GLG1: variants seen among roughly 807,000 people sequenced by gnomAD.
GLG1 encodes the protein Golgi apparatus protein 1.
In GLG1, 38 loss-of-function variants were observed where a neutral mutation model predicts 160.5. The ratio of observed to expected loss-of-function variants is 0.24; its 90% CI spans 0.18 to 0.31. The LOEUF is 0.31. Among genes scored for constraint, GLG1 ranks in the 10% least tolerant of loss-of-function variants. The pLI is 1.00. For missense variants in GLG1, 1,373 were observed against 1,505.2 expected (o/e 0.91, Z 1.45); for synonymous variants, 644 against 543.4 (o/e 1.19, Z -2.57).
intron 9 of GLG1, among the ~76,000 whole-genome samples, chr16:74,485,161 C>G (rs989251352): frequency 5.3e-5 from 8 of 152,196 alleles, no homozygotes; most frequent in Middle Eastern, 3.2e-3. Context: ...CTCACCTCGG[C>G]CTCCCAAAGC....
At position 74,567,814 on chromosome 16, in the gene GLG1, C is replaced by T. The variant is rs1039996155; in HGVS notation, c.439-35661G>A. The stretch of plus-strand genomic sequence containing the variant: ...CGATCTCCTGACCTCATGATCCACC[C>T]GCCTCGGCCTCCCAAAGTGCTGGGA... On this transcript the variant is annotated intron_variant, in intron 1 of 25. Transcript: ENST00000422840. 1.5e-4 allele frequency among the ~76,000 whole-genome samples: 23 copies of T among 151,184 alleles called. No homozygotes were observed. The East Asian group carries it at 2.3e-3, about 15-fold the overall frequency.
chr16:74,512,306 G>C (rs1225979002), intron 2 of GLG1, among the ~76,000 whole-genome samples: 4 of 151,216 alleles, frequency 2.6e-5, no homozygotes, highest in Admixed American at 2.0e-4. Context: ...GCCCAGGCTA[G>C]AAGTACAGTG....
intron 1 of GLG1, among the ~76,000 whole-genome samples, chr16:74,556,649 A>T (rs1162824183): frequency 1.3e-5 from 2 of 151,796 alleles, no homozygotes; most frequent in Non-Finnish European, 1.5e-5. Flanking sequence ...ATACCACTGC[A>T]TTCCAACCTG....
At chr16:74,516,092 A>G (rs1347657501) in intron 2 of GLG1, among the ~76,000 whole-genome samples, 65 of 151,828 alleles carry the variant, frequency 4.3e-4, no homozygotes, top group Non-Finnish European at 2.2e-4. Flanking sequence ...TTAGACTCTC[A>G]CACAATAATA....
At chr16:74,590,686 A>G (rs1362912915) in intron 1 of GLG1, among the ~76,000 whole-genome samples, 1 of 149,956 alleles carries the variant, frequency 6.7e-6, no homozygotes, top group Non-Finnish European at 1.5e-5. Flanking sequence ...AATCCCAGCT[A>G]CTCAGGAGGC....
rs947507086 is a variant in GLG1 at position 74,585,795 on chromosome 16, G to A, written c.438+20862C>T. On this transcript the variant is annotated intron_variant, in intron 1 of 25. Transcript: ENST00000422840. ...AAGTAAGATTTGGCCGGATGAGGTGGCTCATGCCTGTAATCTCAACACTTT... is the reference window on the plus strand; with the variant it reads ...AAGTAAGATTTGGCCGGATGAGGTGACTCATGCCTGTAATCTCAACACTTT... 4.6e-5 allele frequency among the ~76,000 whole-genome samples: 7 copies of A among 152,196 alleles called. No individual in the cohort carries two copies. The South Asian group carries it at 1.5e-3, about 32-fold the overall frequency.
At chr16:74,529,587 C>G (rs973047173) in intron 2 of GLG1, among the ~76,000 whole-genome samples, 1 of 151,782 alleles carries the variant, frequency 6.6e-6, no homozygotes, top group African/African-American at 2.4e-5. Flanking sequence ...GCTACTTTAT[C>G]TCTTGATATC....
At chr16:74,460,014 C>G (rs1174470649) in intron 22 of GLG1, among the ~76,000 whole-genome samples, 1 of 144,244 alleles carries the variant, frequency 6.9e-6, no homozygotes, top group Non-Finnish European at 1.5e-5. Flanking sequence ...TGCTACCATG[C>G]CTGGCTGATT....
At chr16:74,544,812 C>T (rs1050925304) in intron 1 of GLG1, among the ~76,000 whole-genome samples, 3 of 152,002 alleles carry the variant, frequency 2.0e-5, no homozygotes, top group African/African-American at 4.8e-5. Flanking sequence ...TATTTAACAT[C>T]TGTAAGCCTA....
chr16:74,518,091 G>C (rs1020131181), intron 2 of GLG1, among the ~76,000 whole-genome samples: 1 of 152,116 alleles, frequency 6.6e-6, no homozygotes, highest in Non-Finnish European at 1.5e-5. Flanking sequence ...CTCGTGGATA[G>C]AAGAATCAAT....
chr16:74,563,282 T>C (rs1386366323), intron 1 of GLG1: 1 of 152,032 alleles, frequency 6.6e-6, no homozygotes, highest in African/African-American at 2.4e-5. Context: ...TTTTAATGGT[T>C]CTGTCAGAAA....
chr16:74,497,623 GA>G (rs1308673937), intron 4 of GLG1, among the ~76,000 whole-genome samples: 1 of 151,832 alleles, frequency 6.6e-6, no homozygotes, highest in East Asian at 2.0e-4. Context: ...GTTTTTAATA[GA>G]GACGGGGTTT....
chr16:74,591,628 GA>G (rs1177419322), intron 1 of GLG1, among the ~76,000 whole-genome samples: 1 of 149,830 alleles, frequency 6.7e-6, no homozygotes, highest in Non-Finnish European at 1.5e-5. Context: ...ACTCTGTCTC[GA>G]AAAAAAAAGA....
In GLG1 at chr16:74,540,016, ATATATATATTATATATATTT is replaced by A. The variant is rs1422312179; in HGVS notation, c.439-7883_439-7864del. On this transcript the variant is annotated intron_variant, in intron 1 of 25. Transcript: ENST00000422840. ...TATATTTTATATATATATATTTTATATATATATATTATATATATTTTATATATATATTATATATATTTTAT... is the reference window on the plus strand; with the variant it reads ...TATATTTTATATATATATATTTTATATATATATATATTATATATATTTTAT... 3.0e-4 allele frequency among the ~76,000 whole-genome samples: 13 copies of A among 43,268 alleles called. 4 individuals carry two copies. Among genetic ancestry groups the A allele is most frequent in the African/African-American group, 1.3e-3 (13 of 10,206 alleles). The allele number at this position is 43,268 out of a possible 152,430, so 28.4% of individuals were successfully genotyped here. A position where few individuals can be genotyped will look rare whatever the true frequency, so the allele number is the denominator to read the frequency against.
intron 1 of GLG1, among the ~76,000 whole-genome samples, chr16:74,577,222 T>C (rs570043098): frequency 1.4e-5 from 2 of 147,606 alleles, no homozygotes; most frequent in Admixed American, 1.3e-4. Flanking sequence ...CCACTTATTT[T>C]AAAAAATAGA....
At chr16:74,546,242 C>T (rs2018042601) in intron 1 of GLG1, among the ~76,000 whole-genome samples, 1 of 152,008 alleles carries the variant, frequency 6.6e-6, no homozygotes, top group Non-Finnish European at 1.5e-5. Context: ...AATTCCAGAC[C>T]ATCCTGAGCA....
chr16:74,522,565 C>T (rs541427854), intron 2 of GLG1, among the ~76,000 whole-genome samples: 6 of 152,192 alleles, frequency 3.9e-5, no homozygotes, highest in Non-Finnish European at 7.4e-5. Context: ...ATTCCACTGG[C>T]TTTTCTTTGT....
chr16:74,491,557 C>T (rs1371712292), intron 7 of GLG1, among the ~76,000 whole-genome samples: 1 of 151,800 alleles, frequency 6.6e-6, no homozygotes, highest in Non-Finnish European at 1.5e-5. Flanking sequence ...ACAATTAAAG[C>T]TTTTAGAAAA....
intron 1 of GLG1, among the ~76,000 whole-genome samples, chr16:74,537,752 C>T (rs3096224): frequency 0.64 from 79,415 of 124,694 alleles, 25,762 homozygotes; most frequent in East Asian, 0.79. Context: ...TTTTTTAATG[C>T]AGATAATTTG....
Sources: gnomAD v4.1 joint callset for allele counts (sites outside exome capture counted in the v4.1 genomes callset) on GRCh38, gnomAD v4.1.1 for gene constraint, MANE v1.5 for transcripts, NCBI Gene and HGNC (gene_info 2026-07-23, HGNC 2026-07-21) for gene names.